The following PHLDB2 variants were observed in gnomAD, a reference collection of about 807,000 sequenced individuals.
The protein encoded by PHLDB2 is pleckstrin homology like domain family B member 2.
Under a neutral mutation model 123.6 loss-of-function variants are expected in PHLDB2, and 71 were observed. The ratio of observed to expected loss-of-function variants is 0.57; its 90% CI spans 0.47 to 0.70. The LOEUF is 0.70. Among genes scored for constraint, PHLDB2 ranks in the 30% least tolerant of loss-of-function variants. The pLI, the probability that PHLDB2 is intolerant of heterozygous loss-of-function variation, is 0.00. For missense variants in PHLDB2, 1,446 were observed against 1,519.5 expected (o/e 0.95, Z 0.80); for synonymous variants, 547 against 541.6 (o/e 1.01, Z -0.14).
chr3:111,954,088 G>C, intron 12 of PHLDB2, 59 bp downstream of exon 12: 1 of 1,481,176 alleles, frequency 6.8e-7, no homozygotes, highest in African/African-American at 1.4e-5. Flanking sequence ...ATTCTTCAGG[G>C]GGAGGAAGTG....
At chr3:111,954,627 G>A (rs1242848264) in intron 12 of PHLDB2, among the ~76,000 whole-genome samples, 5 of 152,156 alleles carry the variant, frequency 3.3e-5, no homozygotes, top group Admixed American at 6.6e-5. Flanking sequence ...TTACTGTAAT[G>A]TAGTTCCAGG....
intron 1 of PHLDB2, among the ~76,000 whole-genome samples, chr3:111,827,376 T>G (rs1037381723): frequency 6.6e-6 from 1 of 152,090 alleles, no homozygotes; most frequent in Admixed American, 6.5e-5. Context: ...CTGTTATGAC[T>G]CGGTTAAGGA....
chr3:111,916,208 T>C (rs2107515660), intron 3 of PHLDB2: 1 of 152,250 alleles, frequency 6.6e-6, no homozygotes, highest in Admixed American at 6.5e-5. Flanking sequence ...GCAGCATCTG[T>C]TGTTGCAAGA....
At chr3:111,912,776 A>C (rs1333093927) in intron 2 of PHLDB2, among the ~76,000 whole-genome samples, 1 of 152,240 alleles carries the variant, frequency 6.6e-6, no homozygotes, top group African/African-American at 2.4e-5. Context: ...TTGAAGGTAG[A>C]TAAGTAGAGC....
chr3:111,939,318 G>A (rs941776437), intron 6 of PHLDB2, among the ~76,000 whole-genome samples, 157 bp from the exon 7 acceptor site: 5 of 152,112 alleles, frequency 3.3e-5, no homozygotes, highest in Non-Finnish European at 7.4e-5. Context: ...GTCACGTTCT[G>A]GGATTTAACT....
intron 12 of PHLDB2, 21 bp from the exon 13 acceptor site, chr3:111,962,087 T>A (rs1194838065): frequency 6.4e-7 from 1 of 1,573,364 alleles, no homozygotes; most frequent in Non-Finnish European, 8.6e-7. Context: ...CAAACTAACA[T>A]ATTTATGGCT....
intron 1 of PHLDB2, among the ~76,000 whole-genome samples, chr3:111,786,385 C>T (rs1270119524): frequency 6.6e-6 from 1 of 152,158 alleles, no homozygotes; most frequent in Admixed American, 6.5e-5. Context: ...ACTGACTATA[C>T]TGACATCCTA....
intron 1 of PHLDB2, among the ~76,000 whole-genome samples, chr3:111,810,504 C>T (rs1397023536): frequency 2.0e-5 from 3 of 152,106 alleles, no homozygotes; most frequent in Admixed American, 6.6e-5. Context: ...ATGATCTTTC[C>T]TTGGTGCATG....
At chr3:111,764,710 T>G (rs1358224826) in intron 1 of PHLDB2, among the ~76,000 whole-genome samples, 1 of 152,180 alleles carries the variant, frequency 6.6e-6, no homozygotes, top group Non-Finnish European at 1.5e-5. Context: ...GGGGCACTGT[T>G]TCCATCATAC....
intron 1 of PHLDB2, among the ~76,000 whole-genome samples, chr3:111,778,786 C>T (rs2060313566): frequency 6.6e-6 from 1 of 151,886 alleles, no homozygotes; most frequent in Non-Finnish European, 1.5e-5. Flanking sequence ...ATGTGAATCC[C>T]TAAAAAAAAC....
intron 6 of PHLDB2, among the ~76,000 whole-genome samples, chr3:111,934,844 T>C (rs2069370564): frequency 6.6e-6 from 1 of 151,994 alleles, no homozygotes; most frequent in South Asian, 2.1e-4. Flanking sequence ...ATTTCATATA[T>C]GAGGATATTT....
At chr3:111,916,831 T>G in intron 3 of PHLDB2, 1 of 152,196 alleles carries the variant, frequency 6.6e-6, no homozygotes, top group Non-Finnish European at 1.5e-5. Flanking sequence ...TCTCTCCCCT[T>G]TCCTGTGTGG....
chr3:111,912,883 G>T (rs372830254), intron 2 of PHLDB2, among the ~76,000 whole-genome samples: 1 of 152,220 alleles, frequency 6.6e-6, no homozygotes, highest in Admixed American at 6.5e-5. Flanking sequence ...GGAGGCTGAG[G>T]CAGGAGGATC....
intron 1 of PHLDB2, among the ~76,000 whole-genome samples, chr3:111,734,600 G>C (rs558033198): frequency 6.6e-6 from 1 of 152,288 alleles, no homozygotes; most frequent in Non-Finnish European, 1.5e-5. Flanking sequence ...ATATTGGATA[G>C]TAAGTAGAGG....
chr3:111,903,172 CA>C (rs1487226785), intron 2 of PHLDB2, among the ~76,000 whole-genome samples: 3 of 152,124 alleles, frequency 2.0e-5, no homozygotes, highest in Non-Finnish European at 4.4e-5. Flanking sequence ...TTGAATGATG[CA>C]TGCCTTCAGT....
chr3:111,850,375 T>TA (rs2064198625), intron 2 of PHLDB2, among the ~76,000 whole-genome samples: 1 of 152,142 alleles, frequency 6.6e-6, no homozygotes, highest in Non-Finnish European at 1.5e-5. Flanking sequence ...ATGGGTGCAC[T>TA]AAAATATCAA....
chr3:111,914,017 T>G, intron 3 of PHLDB2: 1 of 317,452 alleles, frequency 3.2e-6, no homozygotes, highest in South Asian at 5.0e-5. Flanking sequence ...CTTACCTGCC[T>G]TCCTAATATT....
At chr3:111,780,387 A>AGAG (rs2060400496) in intron 1 of PHLDB2, among the ~76,000 whole-genome samples, 7 of 48,710 alleles carry the variant, frequency 1.4e-4, no homozygotes, top group South Asian at 2.3e-3. Context: ...AAGAAGAAGA[A>AGAG]GAAGAAGAAG....
intron 1 of PHLDB2, among the ~76,000 whole-genome samples, chr3:111,838,334 G>C (rs760008068): frequency 1.3e-5 from 2 of 152,008 alleles, no homozygotes; most frequent in African/African-American, 4.8e-5. Context: ...TCCTCAGTAC[G>C]CTCTTGCCTC....
Sources: gnomAD v4.1 joint callset for allele counts (sites outside exome capture counted in the v4.1 genomes callset) on GRCh38, gnomAD v4.1.1 for gene constraint, MANE v1.5 for transcripts, NCBI Gene and HGNC (gene_info 2026-07-23, HGNC 2026-07-21) for gene names.